Variants in ZFP1 observed in about 807,000 individuals in gnomAD.
ZFP1 encodes the protein ZFP1 zinc finger protein, also known as zinc finger protein 1 homolog.
A neutral mutation model predicts 38.5 loss-of-function variants in ZFP1; 32 were observed. The observed-to-expected ratio is 0.83, with a 90% CI of 0.63 to 1.12. The LOEUF (loss-of-function observed/expected upper bound fraction) is 1.12. Among genes scored for constraint, ZFP1 ranks in the 50% most tolerant of loss-of-function variants. The pLI, the probability that ZFP1 is intolerant of heterozygous loss-of-function variation, is 0.00. For missense variants in ZFP1, 616 were observed against 480.8 expected, an observed-to-expected ratio of 1.28 and a Z score of -2.63; for synonymous variants, 245 against 168.8, an observed-to-expected ratio of 1.45 and a Z score of -3.50.
the ZFP1 span, among the ~76,000 whole-genome samples, chr16:75,142,002 C>T: frequency 5.4e-5 from 8 of 149,236 alleles, no homozygotes; most frequent in Non-Finnish European, 1.0e-4. Flanking sequence ...TGCCGTGAGC[C>T]GAGATCGCGC....
the ZFP1 span, among the ~76,000 whole-genome samples, chr16:75,122,106 G>C: frequency 2.0e-5 from 3 of 152,174 alleles, no homozygotes; most frequent in Non-Finnish European, 4.4e-5. Context: ...TTCTCAGCAA[G>C]GCAATTTTCA....
chr16:75,163,107 C>T (rs970125550), intron 2 of ZFP1, among the ~76,000 whole-genome samples: 30 of 151,058 alleles, frequency 2.0e-4, no homozygotes, highest in Admixed American at 1.2e-3. Flanking sequence ...ACGGGGTTCG[C>T]CATGTTGGCC....
chr16:75,161,772 A>ATTTTTTTTTTTTT (rs1344293752), intron 2 of ZFP1, among the ~76,000 whole-genome samples: 1 of 7,236 alleles, frequency 1.4e-4, no homozygotes, highest in Non-Finnish European at 3.2e-4. Flanking sequence ...ATATATATAT[A>ATTTTTTTTTTTTT]TATTTTTTTT....
chr16:75,139,444 C>T, the ZFP1 span, among the ~76,000 whole-genome samples: 9 of 149,290 alleles, frequency 6.0e-5, no homozygotes, highest in African/African-American at 7.4e-5. Context: ...ATAATTTCAG[C>T]ACTTAAGGAG....
chr16:75,139,380 A>AAAAC, the ZFP1 span, among the ~76,000 whole-genome samples: 1 of 146,828 alleles, frequency 6.8e-6, no homozygotes, highest in African/African-American at 2.6e-5. Context: ...AAAAAAAAAA[A>AAAAC]AAAAAAAAAA....
intron 1 of ZFP1, among the ~76,000 whole-genome samples, chr16:75,149,976 G>C (rs1232154321): frequency 6.6e-6 from 1 of 150,384 alleles, no homozygotes; most frequent in East Asian, 2.0e-4. Context: ...GTAGAGACGG[G>C]GTTTCACCAT....
At chr16:75,165,946 T>A (rs1303869323) in intron 2 of ZFP1, among the ~76,000 whole-genome samples, 1 of 152,180 alleles carries the variant, frequency 6.6e-6, no homozygotes, top group East Asian at 1.9e-4. Flanking sequence ...TTACTGACAT[T>A]TTTTGACTAA....
At position 75,170,305 on chromosome 16, in the gene ZFP1, C is replaced by G; in HGVS notation, c.1195C>G (p.Gln399Glu). ...CAGGAAGTCCCGACTCAGTGTCCATCAGAGAGTTCACATCGGGGAGAAACC... is the reference window on the plus strand; with the variant it reads ...CAGGAAGTCCCGACTCAGTGTCCATGAGAGAGTTCACATCGGGGAGAAACC... ...FSRKSRLSVHQRVHIGEKP is the reference protein window; with the variant it reads ...FSRKSRLSVHERVHIGEKP The change falls in exon 4 of 4, where the codon CAG (glutamine) becomes GAG (glutamate). Residue 399 changes from glutamine to glutamate, a missense_variant. Coordinates refer to ENST00000570010, the MANE Select transcript of ZFP1 (RefSeq NM_153688.4). 2 of 1,598,104 alleles carry G rather than the reference C, an allele frequency of 1.3e-6. No individual in the cohort carries two copies. Among genetic ancestry groups the G allele is most frequent in the Non-Finnish European group, 8.5e-7 (1 of 1,171,308 alleles).
chr16:75,143,924 G>C (rs2036915334), upstream of ZFP1, among the ~76,000 whole-genome samples: 1 of 151,908 alleles, frequency 6.6e-6, no homozygotes, highest in African/African-American at 2.4e-5. Flanking sequence ...AAAGTGCTGG[G>C]ATTACAGGCA....
At chr16:75,155,672 G>T (rs1449057827) in intron 2 of ZFP1, among the ~76,000 whole-genome samples, 1 of 152,132 alleles carries the variant, frequency 6.6e-6, no homozygotes, top group Non-Finnish European at 1.5e-5. Context: ...TTAAGAAATA[G>T]AACATTATCT....
At chr16:75,147,681 G>C (rs8053032), upstream of ZFP1, among the ~76,000 whole-genome samples, 81,071 of 151,810 alleles carry the variant, frequency 0.53, 22,303 homozygotes, top group East Asian at 0.71. Context: ...GTGCTGGGGG[G>C]ACATGGGTTA....
upstream of ZFP1, among the ~76,000 whole-genome samples, chr16:75,148,118 C>T (rs1281299729): frequency 6.6e-6 from 1 of 152,068 alleles, no homozygotes; most frequent in Non-Finnish European, 1.5e-5. Context: ...TTTGTAACAA[C>T]AACAAAAAAA....
intron 2 of ZFP1, among the ~76,000 whole-genome samples, chr16:75,164,596 T>A (rs1309962870): frequency 6.6e-6 from 1 of 152,184 alleles, no homozygotes; most frequent in Non-Finnish European, 1.5e-5. Flanking sequence ...TGCCTGATAC[T>A]TGACATCTAT....
At chr16:75,150,657 G>A (rs367772786) in intron 1 of ZFP1, among the ~76,000 whole-genome samples, 18 of 152,156 alleles carry the variant, frequency 1.2e-4, no homozygotes, top group African/African-American at 4.3e-4. Context: ...GTAGACTCCT[G>A]GTCTCAAGTG....
intron 1 of ZFP1, among the ~76,000 whole-genome samples, chr16:75,150,763 C>T (rs35754964): frequency 0.25 from 37,676 of 152,024 alleles, 4,991 homozygotes; most frequent in Non-Finnish European, 0.3. Context: ...ATGATGATCT[C>T]TCTGGGTAAC....
chr16:75,130,035 C>T, the ZFP1 span, among the ~76,000 whole-genome samples: 4 of 152,140 alleles, frequency 2.6e-5, no homozygotes, highest in East Asian at 3.9e-4. Flanking sequence ...TCCACTCTGT[C>T]GCCCAAGCTG....
At chr16:75,161,757 AAT>A (rs1338490455) in intron 2 of ZFP1, among the ~76,000 whole-genome samples, 199 of 14,294 alleles carry the variant, frequency 0.014, 9 homozygotes, top group South Asian at 0.036. Context: ...AGTTTTATGA[AAT>A]ATATATATAT....
At chr16:75,121,169 G>GTTTT in the ZFP1 span, among the ~76,000 whole-genome samples, 1 of 140,138 alleles carries the variant, frequency 7.1e-6, no homozygotes, top group East Asian at 2.1e-4. Context: ...TTTCTTTTTT[G>GTTTT]TTTTTTTTTT....
At chr16:75,159,231 C>A (rs139518146) in intron 2 of ZFP1, among the ~76,000 whole-genome samples, 1,641 of 149,728 alleles carry the variant, frequency 0.011, 13 homozygotes, top group Non-Finnish European at 0.015. Flanking sequence ...TCCTTCATTC[C>A]TTCCTTCCTT....
Sources: allele counts gnomAD v4.1 joint callset (sites outside exome capture counted in the v4.1 genomes callset), GRCh38; gene constraint gnomAD v4.1.1; transcripts MANE v1.5; gene names NCBI Gene and HGNC (gene_info 2026-07-23, HGNC 2026-07-21).